RGS6: variants seen among roughly 807,000 people sequenced by gnomAD.
The protein encoded by RGS6 is regulator of G protein signaling 6.
In RGS6, 30 loss-of-function variants were observed where a neutral mutation model predicts 78.5. The ratio of observed to expected loss-of-function variants is 0.38; its 90% confidence interval spans 0.29 to 0.52. The LOEUF (loss-of-function observed/expected upper bound fraction) is 0.52. Among genes scored for constraint, RGS6 ranks in the 20% least tolerant of loss-of-function variants. The pLI is 0.85. For synonymous variants in RGS6, 206 were observed against 206.0 expected, an observed-to-expected ratio of 1.00 and a Z score of 0.00; for missense variants, 495 against 609.7, an observed-to-expected ratio of 0.81 and a Z score of 1.98.
chr14:72,096,153 A>C (rs887775252), intron 2 of RGS6, among the ~76,000 whole-genome samples: 1 of 152,054 alleles, frequency 6.6e-6, no homozygotes, highest in Non-Finnish European at 1.5e-5. Flanking sequence ...CGCACCTGTA[A>C]TCCTAGCTAC....
At chr14:72,187,594 C>T (rs576918595) in intron 2 of RGS6, among the ~76,000 whole-genome samples, 1 of 152,188 alleles carries the variant, frequency 6.6e-6, no homozygotes, top group Non-Finnish European at 1.5e-5. Context: ...ATCAATCCAG[C>T]ATGAAGGAGG....
At chr14:72,628,746 C>A in the RGS6 span, among the ~76,000 whole-genome samples, 3 of 151,954 alleles carry the variant, frequency 2.0e-5, no homozygotes, top group Admixed American at 2.0e-4. Context: ...CTAGCCCTAA[C>A]AATTGACAAG....
At chr14:72,233,390 C>A (rs1247630382) in intron 2 of RGS6, among the ~76,000 whole-genome samples, 1 of 152,118 alleles carries the variant, frequency 6.6e-6, no homozygotes, top group East Asian at 1.9e-4. Flanking sequence ...CTGGCACTTA[C>A]CTCCATCGGG....
the RGS6 span, among the ~76,000 whole-genome samples, chr14:71,875,914 T>C: frequency 6.6e-6 from 1 of 152,238 alleles, no homozygotes; most frequent in Non-Finnish European, 1.5e-5. Flanking sequence ...CCAGTAGTCA[T>C]TCAGGAGCAT....
chr14:72,301,608 G>C (rs2066076301), intron 2 of RGS6, among the ~76,000 whole-genome samples: 1 of 152,174 alleles, frequency 6.6e-6, no homozygotes, highest in African/African-American at 2.4e-5. Flanking sequence ...CACCTAAACA[G>C]AAATTTGCAA....
chr14:72,360,232 AAGG>A (rs952734222), intron 3 of RGS6, among the ~76,000 whole-genome samples: 2 of 152,100 alleles, frequency 1.3e-5, no homozygotes, highest in African/African-American at 2.4e-5. Flanking sequence ...AGAAAGAAGA[AAGG>A]AGGCAGCCGG....
At chr14:72,230,429 T>G (rs2153809172) in intron 2 of RGS6, among the ~76,000 whole-genome samples, 1 of 152,178 alleles carries the variant, frequency 6.6e-6, no homozygotes, top group East Asian at 1.9e-4. Context: ...GGTGGGGAGC[T>G]TAAAAAGCTA....
At chr14:72,575,313 A>G in the RGS6 span, among the ~76,000 whole-genome samples, 1 of 152,100 alleles carries the variant, frequency 6.6e-6, no homozygotes, top group Admixed American at 6.5e-5. Flanking sequence ...ATCAGGGAAC[A>G]TTGAGGTTAC....
chr14:72,495,684 G>A (rs1009537497), intron 13 of RGS6, among the ~76,000 whole-genome samples: 6 of 152,130 alleles, frequency 3.9e-5, no homozygotes, highest in African/African-American at 4.8e-5. Context: ...CCACTCAGCA[G>A]TTATGGAAAC....
the RGS6 span, among the ~76,000 whole-genome samples, chr14:71,892,976 G>A: frequency 2.0e-5 from 3 of 152,236 alleles, no homozygotes; most frequent in Non-Finnish European, 4.4e-5. Flanking sequence ...GCAGCGATCT[G>A]CCTAAGGGCA....
At chr14:71,922,375 A>G in the RGS6 span, among the ~76,000 whole-genome samples, 1 of 152,192 alleles carries the variant, frequency 6.6e-6, no homozygotes, top group African/African-American at 2.4e-5. Flanking sequence ...AACAGCCACA[A>G]TCCTTACTGT....
At chr14:71,915,762 AG>A in the RGS6 span, among the ~76,000 whole-genome samples, 1 of 152,174 alleles carries the variant, frequency 6.6e-6, no homozygotes, top group Non-Finnish European at 1.5e-5. Flanking sequence ...TTGAACCCCT[AG>A]TACCTCAGAA....
chr14:72,620,967 C>A, the RGS6 span, among the ~76,000 whole-genome samples: 2 of 152,082 alleles, frequency 1.3e-5, no homozygotes, highest in Non-Finnish European at 2.9e-5. Flanking sequence ...ATGGTGAAAC[C>A]CCATCTCTAC....
At chr14:71,983,618 A>G (rs1371210421) in intron 2 of RGS6, among the ~76,000 whole-genome samples, 1 of 152,176 alleles carries the variant, frequency 6.6e-6, no homozygotes, top group East Asian at 1.9e-4. Context: ...TTGCAGCAGC[A>G]TCACCCTGGT....
At chr14:72,582,902 G>A in the RGS6 span, among the ~76,000 whole-genome samples, 2 of 151,908 alleles carry the variant, frequency 1.3e-5, no homozygotes, top group Non-Finnish European at 2.9e-5. Context: ...ATGTCTGTGG[G>A]GGTGGTTCCT....
At position 71,997,742 on chromosome 14, in the gene RGS6, A is replaced by C. The variant is rs112219656; in HGVS notation, c.84+32867A>C. On this transcript the variant is annotated intron_variant, in intron 2 of 17. Transcript: ENST00000553525. ...AGTTCTGGGAATGAGATAAAGACTTACAGGTAGCAATAGCTTTACTGTTCA... is the reference window on the plus strand; with the variant it reads ...AGTTCTGGGAATGAGATAAAGACTTCCAGGTAGCAATAGCTTTACTGTTCA... Among the ~76,000 whole-genome samples the C allele has an allele frequency of 2.9e-3, 449 of 152,304 alleles. 2 individuals are homozygous for C. The highest frequency in any genetic ancestry group is 0.01 in the African/African-American group (426 of 41,558).
the RGS6 span, among the ~76,000 whole-genome samples, chr14:71,894,576 GC>G: frequency 6.6e-6 from 1 of 152,126 alleles, no homozygotes; most frequent in African/African-American, 2.4e-5. Context: ...CTAAGGACTC[GC>G]CCTGAATTCT....
In RGS6 at chr14:72,325,392, C is replaced by T. The variant is rs776836789; in HGVS notation, c.85-26703C>T. Among the ~76,000 whole-genome samples the T allele has an allele frequency of 4.6e-5, 7 of 152,148 alleles. 1 individual carries two copies. Among genetic ancestry groups the T allele is most frequent in the South Asian group, 4.2e-4 (2 of 4,804 alleles). ...ATTTCTCAATTTTGGCTTTTGTTGC[C>T]GTTGCTTTTGGTGTTTTAGTCATGA... On this transcript the variant is annotated intron_variant, in intron 2 of 17. Coordinates refer to ENST00000553525, the MANE Select transcript of RGS6 (RefSeq NM_001204424.2).
At chr14:72,625,170 C>T in the RGS6 span, among the ~76,000 whole-genome samples, 1 of 152,256 alleles carries the variant, frequency 6.6e-6, no homozygotes, top group Middle Eastern at 3.4e-3. Context: ...GTCCTTATAA[C>T]CATAACTGTG....
Sources: gnomAD v4.1 joint callset for allele counts (sites outside exome capture counted in the v4.1 genomes callset) on GRCh38, gnomAD v4.1.1 for gene constraint, MANE v1.5 for transcripts, NCBI Gene and HGNC (gene_info 2026-07-23, HGNC 2026-07-21) for gene names.